The following SLC26A9 variants were observed in gnomAD, a reference collection of about 807,000 sequenced individuals.
SLC26A9 encodes anion transporter/exchanger protein 9.
Under a neutral mutation model 87.1 loss-of-function variants are expected in SLC26A9, and 46 were observed. That is an observed-to-expected ratio of 0.53 (90% CI 0.42 to 0.67). SLC26A9 has a LOEUF of 0.67. Ranked by LOEUF, SLC26A9 falls within the 30% of genes least tolerant of loss-of-function variation. SLC26A9 has a pLI of 0.00. For missense variants in SLC26A9, 927 were observed against 1,018.3 expected (o/e 0.91, Z 1.22); for synonymous variants, 437 against 409.1 (o/e 1.07, Z -0.82).
rs1553267884 is a variant in SLC26A9 at position 205,914,761 on chromosome 1, A to AC, written c.*595_*596insG. 3.9e-5 allele frequency: 45 copies of AC among 1,139,320 alleles called. No individual in the cohort carries two copies. Among genetic ancestry groups the AC allele is most frequent in the South Asian group, 3.2e-4 (21 of 65,146 alleles). 70.6% of individuals were successfully genotyped at this position (1,139,320 alleles called of 1,614,324 possible). ...GTTTGGGCAGCCTTGGGGATGATGG[A>AC]GGGGGGGCGCATAGTTACCAAGGCC... On this transcript the variant is annotated 3_prime_UTR_variant, in exon 21 of 21. Coordinates refer to ENST00000367135, the MANE Select transcript of SLC26A9 (RefSeq NM_052934.4).
rs2102564267 is a variant in SLC26A9, at chr1:205,913,908, G to A, written c.*1449C>T. ...AGTTAGAAATGGGGATGTTTTCCTAGGCTGGGCCAGCCCAACCTGTTAGGG... is the reference window on the plus strand; with the variant it reads ...AGTTAGAAATGGGGATGTTTTCCTAAGCTGGGCCAGCCCAACCTGTTAGGG... On this transcript the variant is annotated 3_prime_UTR_variant, in exon 21 of 21. Transcript: ENST00000367135. 6.6e-6 allele frequency: 1 copy of A among 152,332 alleles called. No homozygotes were observed. Among genetic ancestry groups the A allele is most frequent in the Admixed American group, 6.5e-5 (1 of 15,306 alleles). 9.4% of individuals were successfully genotyped at this position (152,332 alleles called of 1,614,324 possible). A position where few individuals can be genotyped will look rare whatever the true frequency, so the allele number is the denominator to read the frequency against.
intron 1 of SLC26A9, among the ~76,000 whole-genome samples, chr1:205,940,072 G>C (rs1659674954): frequency 6.9e-6 from 1 of 145,278 alleles, no homozygotes; most frequent in Non-Finnish European, 1.5e-5. Context: ...GGGACTTAGA[G>C]GGGGTCTGTA....
At position 205,923,340 on chromosome 1, in the gene SLC26A9, C is replaced by T. The variant is rs769112142; in HGVS notation, c.1654G>A (p.Ala552Thr). Residue 552 changes from alanine to threonine, a missense_variant, in exon 15 of 21, where the codon GCC becomes ACC. Ala to Thr is a moderately conservative substitution (Grantham distance 58, BLOSUM62 0). Coordinates refer to ENST00000367135, the MANE Select transcript of SLC26A9 (RefSeq NM_052934.4). ...NSEIFRQKVI[A>T]KTGMDPQKVL... is the part of the protein sequence containing the mutation. ...CGCCAGGGACTGAGCCTTACCTTGG[C>T]GATGACCTTTTGCCTGAAGATCTCT... 1.4e-5 allele frequency: 23 copies of T among 1,613,920 alleles called. No homozygotes were observed. Among genetic ancestry groups the T allele is most frequent in the South Asian group, 8.8e-5 (8 of 91,066 alleles).
Position 205,914,855 on chromosome 1 carries a change from T to C in SLC26A9, c.*502A>G, listed in dbSNP as rs371649750. ...CTGCCAGAGACAGAGTTGAGGCAGCTGGGGAAGGCAAGCCAGAGTCCTAAC... is the reference window on the plus strand; with the variant it reads ...CTGCCAGAGACAGAGTTGAGGCAGCCGGGGAAGGCAAGCCAGAGTCCTAAC... On this transcript the variant is annotated 3_prime_UTR_variant, in exon 21 of 21. Transcript: ENST00000367135. The C allele has an allele frequency of 2.9e-5, 46 of 1,575,396 alleles. No individual in the cohort carries two copies. Among genetic ancestry groups the C allele is most frequent in the Middle Eastern group, 1.7e-4 (1 of 5,894 alleles).
In SLC26A9 at chr1:205,923,367, AG is replaced by A; in HGVS notation, c.1626del (p.Ser543GlnfsTer21). On this transcript the variant is annotated frameshift_variant, in exon 15 of 21. Transcript: ENST00000367135. LOFTEE classifies it high-confidence loss of function. ...ITYCSPLYFANSEIFRQKVIA... is the reference protein window; with the variant it reads ...ITYCSPLYFAXSEIFRQKVIA... ...ATGACCTTTTGCCTGAAGATCTCTG[AG>A]TTGGCAAAGTAGAGAGGGGAGCAGT... is the stretch of plus-strand genomic sequence containing the variant. 2 of 1,614,154 alleles carry A rather than the reference AG, an allele frequency of 1.2e-6. No individual in the cohort carries two copies. Among genetic ancestry groups the A allele is most frequent in the Non-Finnish European group, 1.7e-6 (2 of 1,180,026 alleles).
intron 4 of SLC26A9, among the ~76,000 whole-genome samples, 192 bp downstream of exon 4, chr1:205,932,510 C>T (rs892135887): frequency 1.3e-5 from 2 of 152,182 alleles, no homozygotes; most frequent in East Asian, 1.9e-4. Flanking sequence ...GCTAACTGAA[C>T]TCAAAGAGGC....
chr1:205,935,540 G>A, intron 2 of SLC26A9, 156 bp downstream of exon 2: 6 of 1,194,222 alleles, frequency 5.0e-6, no homozygotes, highest in Non-Finnish European at 4.7e-6. Flanking sequence ...GTACAGATGA[G>A]GTTGTAGGAT....
intron 1 of SLC26A9, among the ~76,000 whole-genome samples, chr1:205,942,870 C>T (rs532404155): frequency 5.9e-5 from 9 of 152,260 alleles, no homozygotes; most frequent in South Asian, 4.2e-4. Flanking sequence ...CTAAGTTCCC[C>T]GAGCTGGTGG....
Position 205,923,074 on chromosome 1 carries a change from T to A in SLC26A9, c.1773+8A>T. The A allele has an allele frequency of 1.9e-6, 3 of 1,613,182 alleles. No homozygotes were observed. Among genetic ancestry groups the A allele is most frequent in the Non-Finnish European group, 2.5e-6 (3 of 1,179,180 alleles). On this transcript the variant is annotated splice_region_variant and intron_variant, in intron 16 of 20. Coordinates refer to ENST00000367135, the MANE Select transcript of SLC26A9 (RefSeq NM_052934.4). ...CAGGGCACGGGGCTGCTTCTGGCCT[T>A]CATTCACCTTGGTTTTCATGAATAG...
At chr1:205,917,560 C>T (rs759063530) in intron 19 of SLC26A9, among the ~76,000 whole-genome samples, 42 of 152,106 alleles carry the variant, frequency 2.8e-4, no homozygotes, top group Non-Finnish European at 5.4e-4. Context: ...GTGTGTATCG[C>T]GGTCTTCCCT....
Position 205,928,032 on chromosome 1 carries a change from G to A in SLC26A9, c.971C>T (p.Ser324Leu), listed in dbSNP as rs769381035. Reference protein sequence around the residue: ...EIQRGFPTPVSPVVSQWKDMI... With the variant: ...EIQRGFPTPVLPVVSQWKDMI... The stretch of plus-strand genomic sequence containing the variant: ...GTCCTTCCACTGTGAGACCACAGGC[G>A]ACACCGGGGTGGGGAACCTGCCGAG... Residue 324 changes from serine (S) to leucine (L), a missense_variant, in exon 9 of 21, where the codon TCG becomes TTG. Coordinates refer to ENST00000367135, the MANE Select transcript of SLC26A9 (RefSeq NM_052934.4). 4.2e-5 allele frequency: 67 copies of A among 1,613,754 alleles called. No homozygotes were observed. Among genetic ancestry groups the A allele is most frequent in the Non-Finnish European group, 4.9e-5 (58 of 1,179,934 alleles).
At chr1:205,929,176 A>C in intron 7 of SLC26A9, 28 bp downstream of exon 7, 1 of 1,598,430 alleles carries the variant, frequency 6.3e-7, no homozygotes, top group South Asian at 1.1e-5. Flanking sequence ...TGGCCCCCCA[A>C]CATCCCAGCT....
In SLC26A9 at chr1:205,929,154, C is replaced by T. The variant is rs754274477; in HGVS notation, c.870+50G>A. The T allele has an allele frequency of 4.4e-5, 69 of 1,584,528 alleles. No homozygotes were observed. In the Middle Eastern group the frequency reaches 5.2e-4, roughly 12 times the overall value. Reference sequence around the variant, plus strand: ...GGGTGAGGAAAGGTAGGGGCTTCCTCGTCTCACAGCCTGGCCCCCCAACAT... The same window carrying T: ...GGGTGAGGAAAGGTAGGGGCTTCCTTGTCTCACAGCCTGGCCCCCCAACAT... On this transcript the variant is annotated intron_variant, in intron 7 of 20. Transcript: ENST00000367135.
At chr1:205,929,023 TA>T in intron 7 of SLC26A9, 114 bp from the exon 8 acceptor site, 1 of 1,444,740 alleles carries the variant, frequency 6.9e-7, no homozygotes, top group East Asian at 2.3e-5. Flanking sequence ...CCTGCCTCCT[TA>T]GGGGGAATTA....
chr1:205,922,107 C>T (rs985729581), intron 16 of SLC26A9, among the ~76,000 whole-genome samples: 4 of 152,236 alleles, frequency 2.6e-5, no homozygotes, highest in African/African-American at 9.6e-5. Context: ...CAAGCCCACT[C>T]TCTCTGGGAG....
rs1558127972 is a variant in SLC26A9 at position 205,933,059 on chromosome 1, C to G, written c.151G>C (p.Val51Leu). The G allele has an allele frequency of 1.2e-6, 2 of 1,614,218 alleles. No individual in the cohort carries two copies. Among genetic ancestry groups the G allele is most frequent in the Non-Finnish European group, 1.7e-6 (2 of 1,180,042 alleles). ...AGCACAGGCAGCAGCCCAAACACCA[C>G]AGCTTTGATCTTGGCTGAGGAACAT... ...FRCSSAKIKA[V>L]VFGLLPVLSW... Residue 51 changes from valine to leucine, a missense_variant, in exon 3 of 21, where the codon GTG becomes CTG. By Grantham distance (32) the Val-to-Leu change is conservative. Coordinates refer to ENST00000367135, the MANE Select transcript of SLC26A9 (RefSeq NM_052934.4).
In SLC26A9 at chr1:205,929,942, T is replaced by C; in HGVS notation, c.667A>G (p.Ile223Val). ...LQILISVLKY[I>V]FGLTIPSYTG... Reference sequence around the variant, plus strand: ...TAGGAGGGGATGGTCAGTCCGAAGATGTACTTGAGCACCGAAATCAGGATC... The same window carrying C: ...TAGGAGGGGATGGTCAGTCCGAAGACGTACTTGAGCACCGAAATCAGGATC... Residue 223 changes from isoleucine to valine, a missense_variant, in exon 6 of 21, where the codon ATC becomes GTC. Ile to Val is a conservative substitution (Grantham distance 29). Coordinates refer to ENST00000367135, the MANE Select transcript of SLC26A9 (RefSeq NM_052934.4). The C allele has an allele frequency of 6.2e-7, 1 of 1,613,670 alleles. No homozygotes were observed. Among genetic ancestry groups the C allele is most frequent in the East Asian group, 2.2e-5 (1 of 44,878 alleles).
Position 205,914,785 on chromosome 1 carries a change from C to T in SLC26A9, c.*572G>A. The stretch of plus-strand genomic sequence containing the variant: ...GAGGGGGGGCGCATAGTTACCAAGG[C>T]CTAGACTCCTGGGTGTGGAGAGCAC... On this transcript the variant is annotated 3_prime_UTR_variant, in exon 21 of 21. Transcript: ENST00000367135. The T allele has an allele frequency of 7.1e-7, 1 of 1,405,672 alleles. No homozygotes were observed. The highest frequency in any genetic ancestry group is 9.7e-7 in the Non-Finnish European group (1 of 1,030,368). 87.1% of individuals were successfully genotyped at this position (1,405,672 alleles called of 1,614,324 possible).
chr1:205,932,374 C>T (rs749874578), intron 4 of SLC26A9, among the ~76,000 whole-genome samples: 6 of 152,212 alleles, frequency 3.9e-5, no homozygotes, highest in East Asian at 1.9e-4. Context: ...CTGTAGTGGC[C>T]GGCTGGGACC....
Sources: allele counts gnomAD v4.1 joint callset (sites outside exome capture counted in the v4.1 genomes callset), GRCh38; gene constraint gnomAD v4.1.1; transcripts MANE v1.5; gene names NCBI Gene and HGNC (gene_info 2026-07-23, HGNC 2026-07-21).